The following RBM47 variants were observed in gnomAD, a reference collection of about 807,000 sequenced individuals.
RBM47 encodes RNA binding motif protein 47, also known as RNA-binding protein 47.
RBM47 carries 21 observed loss-of-function variants against 47.1 expected under a neutral mutation model. That is an observed-to-expected ratio of 0.45 (90% CI 0.32 to 0.64). The LOEUF is 0.64. Ranked by LOEUF, RBM47 falls within the 30% of genes least tolerant of loss-of-function variation. The pLI is 0.05. For missense variants in RBM47, 708 were observed against 870.9 expected, an observed-to-expected ratio of 0.81 and a Z score of 2.35; for synonymous variants, 375 against 361.7, an observed-to-expected ratio of 1.04 and a Z score of -0.42.
chr4:40,537,256 G>A (rs2154260933), intron 2 of RBM47, among the ~76,000 whole-genome samples: 1 of 149,676 alleles, frequency 6.7e-6, no homozygotes, highest in South Asian at 2.1e-4. Flanking sequence ...GGGCTACAGG[G>A]ATGCACCACC....
intron 1 of RBM47, among the ~76,000 whole-genome samples, chr4:40,580,731 A>T (rs1441430620): frequency 2.0e-5 from 3 of 152,226 alleles, no homozygotes; most frequent in Non-Finnish European, 2.9e-5. Context: ...CTCGCACATG[A>T]ATGGGAAAGG....
At chr4:40,492,382 G>GA (rs1057486199) in intron 2 of RBM47, among the ~76,000 whole-genome samples, 3 of 151,954 alleles carry the variant, frequency 2.0e-5, no homozygotes, top group East Asian at 1.9e-4. Flanking sequence ...GTAAAGAAAA[G>GA]AAAAAAATAA....
intron 2 of RBM47, among the ~76,000 whole-genome samples, chr4:40,506,491 T>TTCTC (rs1724115760): frequency 6.6e-6 from 1 of 152,176 alleles, no homozygotes; most frequent in South Asian, 2.1e-4. Context: ...GTTGGAATCT[T>TTCTC]TGTGGAAAAG....
At chr4:40,451,175 A>G (rs1156482466) in intron 3 of RBM47, among the ~76,000 whole-genome samples, 1 of 137,718 alleles carries the variant, frequency 7.3e-6, no homozygotes, top group African/African-American at 2.8e-5. Flanking sequence ...GGCAAGGCGC[A>G]GTAGCTACCA....
At chr4:40,561,635 C>T (rs1297742153) in intron 1 of RBM47, among the ~76,000 whole-genome samples, 1 of 151,478 alleles carries the variant, frequency 6.6e-6, no homozygotes, top group African/African-American at 2.4e-5. Flanking sequence ...CTGCAACCTC[C>T]ACCTCCTGGG....
intron 1 of RBM47, among the ~76,000 whole-genome samples, chr4:40,616,277 C>A (rs13149732): frequency 0.18 from 26,844 of 151,086 alleles, 2,906 homozygotes; most frequent in Admixed American, 0.26. Flanking sequence ...TGGCGTGAAC[C>A]CGGGAGGCGG....
chr4:40,612,984 C>T (rs1736386594), intron 1 of RBM47, among the ~76,000 whole-genome samples: 1 of 152,172 alleles, frequency 6.6e-6, no homozygotes, highest in African/African-American at 2.4e-5. Flanking sequence ...CCCAAATCTA[C>T]AAGACATCAA....
chr4:40,477,031 TCGAGACTCGGGC>T (rs1719714183), intron 2 of RBM47, among the ~76,000 whole-genome samples: 1 of 151,800 alleles, frequency 6.6e-6, no homozygotes, highest in African/African-American at 2.4e-5. Context: ...GGTCAGAAGT[TCGAGACTCGGGC>T]GTGGTGGTGG....
intron 2 of RBM47, among the ~76,000 whole-genome samples, chr4:40,512,413 C>CAAAAA (rs33930819): frequency 1.8e-5 from 1 of 56,120 alleles, no homozygotes; most frequent in Non-Finnish European, 3.2e-5. Flanking sequence ...AACTCCATCT[C>CAAAAA]AAAAAAAAAA....
intron 1 of RBM47, among the ~76,000 whole-genome samples, chr4:40,565,532 A>G (rs1435945198): frequency 6.6e-6 from 1 of 152,196 alleles, no homozygotes; most frequent in African/African-American, 2.4e-5. Flanking sequence ...TTTAACAACT[A>G]GTTTGGCTGT....
Position 40,600,405 on chromosome 4 carries a change from C to T in RBM47, c.-240+28991G>A, listed in dbSNP as rs542608639. Among the ~76,000 whole-genome samples, 435 of 151,320 alleles carry T rather than the reference C, an allele frequency of 2.9e-3. 1 individual carries two copies. Among genetic ancestry groups the T allele is most frequent in the African/African-American group, 0.01 (416 of 41,228 alleles). On this transcript the variant is annotated intron_variant, in intron 1 of 6. Coordinates refer to ENST00000295971, the MANE Select transcript of RBM47 (RefSeq NM_001098634.2). ...ATCCCAGCACTTTGGGAGGCCAAGGCGGGCGGATCACGAGGTCAGGAGATT... is the reference window on the plus strand; with the variant it reads ...ATCCCAGCACTTTGGGAGGCCAAGGTGGGCGGATCACGAGGTCAGGAGATT...
chr4:40,432,530 C>T, intron 6 of RBM47, 121 bp downstream of exon 6: 2 of 1,503,370 alleles, frequency 1.3e-6, no homozygotes, highest in East Asian at 2.4e-5. Flanking sequence ...TTTGTGTCAC[C>T]CAACCATAGC....
At chr4:40,444,091 T>G (rs958272135) in intron 3 of RBM47, among the ~76,000 whole-genome samples, 1 of 152,060 alleles carries the variant, frequency 6.6e-6, no homozygotes, top group African/African-American at 2.4e-5. Context: ...CCCAGCTATT[T>G]GGGAGGCTGA....
intron 1 of RBM47, among the ~76,000 whole-genome samples, chr4:40,593,946 A>G (rs1280011808): frequency 6.6e-6 from 1 of 151,428 alleles, no homozygotes. Flanking sequence ...GCTACTCAGG[A>G]GGCTGAGAGG....
At chr4:40,427,791 G>A (rs1358785001) in intron 6 of RBM47, among the ~76,000 whole-genome samples, 1 of 151,812 alleles carries the variant, frequency 6.6e-6, no homozygotes, top group Non-Finnish European at 1.5e-5. Flanking sequence ...GTGCTCAAAG[G>A]AACTTAGGAA....
At chr4:40,578,502 A>T (rs945540859) in intron 1 of RBM47, among the ~76,000 whole-genome samples, 1 of 152,198 alleles carries the variant, frequency 6.6e-6, no homozygotes, top group Non-Finnish European at 1.5e-5. Flanking sequence ...ACACTTATAG[A>T]CAATTGTAGA....
At chr4:40,491,166 C>A (rs73809046) in intron 2 of RBM47, among the ~76,000 whole-genome samples, 3,126 of 152,210 alleles carry the variant, frequency 0.021, 103 homozygotes, top group African/African-American at 0.071. Context: ...AGGGAAAAAA[C>A]CCAAAACATG....
At chr4:40,604,480 A>G (rs1735565634) in intron 1 of RBM47, among the ~76,000 whole-genome samples, 1 of 152,146 alleles carries the variant, frequency 6.6e-6, no homozygotes, top group Non-Finnish European at 1.5e-5. Context: ...TTTAAAAATT[A>G]GCCAGGCATG....
intron 1 of RBM47, among the ~76,000 whole-genome samples, chr4:40,625,132 G>A (rs1198661595): frequency 6.6e-6 from 1 of 152,040 alleles, no homozygotes; most frequent in Admixed American, 6.6e-5. Context: ...ACAGACATGA[G>A]CCACCGTGCC....
Sources: gnomAD v4.1 joint callset for allele counts (sites outside exome capture counted in the v4.1 genomes callset) on GRCh38, gnomAD v4.1.1 for gene constraint, MANE v1.5 for transcripts, NCBI Gene and HGNC (gene_info 2026-07-23, HGNC 2026-07-21) for gene names.